The following SAXO1 variants were observed in gnomAD, a reference collection of about 807,000 sequenced individuals.
SAXO1 encodes stabilizer of axonemal microtubules 1.
A neutral mutation model predicts 17.5 loss-of-function variants in SAXO1; 21 were observed. That is an observed-to-expected ratio of 1.20 (90% CI 0.85 to 1.72). SAXO1 has a LOEUF of 1.72. Ranked by LOEUF, SAXO1 falls within the 40% of genes most tolerant of loss-of-function variation. The pLI, the probability that SAXO1 is intolerant of heterozygous loss-of-function variation, is 0.00. For missense variants in SAXO1, 843 were observed against 596.0 expected (o/e 1.41, Z -4.32); for synonymous variants, 274 against 216.5 (o/e 1.27, Z -2.33).
intron 1 of SAXO1, among the ~76,000 whole-genome samples, chr9:19,047,293 G>T (rs1265625938): frequency 6.6e-6 from 1 of 152,196 alleles, no homozygotes; most frequent in Non-Finnish European, 1.5e-5. Context: ...GAACCCAGGA[G>T]GTGGAGGTTG....
chr9:18,986,406 CA>C (rs1447508931), intron 1 of SAXO1, among the ~76,000 whole-genome samples: 1 of 152,072 alleles, frequency 6.6e-6, no homozygotes, highest in Non-Finnish European at 1.5e-5. Flanking sequence ...ACTATTTTAA[CA>C]GGATAACTGT....
At chr9:18,963,864 T>C (rs1374635665) in intron 1 of SAXO1, among the ~76,000 whole-genome samples, 2 of 152,334 alleles carry the variant, frequency 1.3e-5, no homozygotes, top group East Asian at 3.9e-4. Flanking sequence ...ATCCTTGTCT[T>C]GTGCTGGTTT....
chr9:19,020,444 A>AGC (rs1317659000), intron 1 of SAXO1, among the ~76,000 whole-genome samples: 3 of 151,648 alleles, frequency 2.0e-5, no homozygotes, highest in African/African-American at 7.3e-5. Flanking sequence ...CTCCGCCTCC[A>AGC]AGGCTCAAGC....
In SAXO1 at chr9:18,950,743, A is replaced by G. The variant is rs770519044; in HGVS notation, c.218+15T>C. 18 of 1,608,016 alleles carry G rather than the reference A, an allele frequency of 1.1e-5. No individual in the cohort carries two copies. In the South Asian group the frequency reaches 1.4e-4, roughly 13 times the overall value. On this transcript the variant is annotated intron_variant, in intron 2 of 3. Transcript: ENST00000380534. ...GTTGTATGTACCTGCATACATTAAT[A>G]CTGTTTGCCCTCACCTTGATGTAGT...
intron 1 of SAXO1, among the ~76,000 whole-genome samples, chr9:18,971,184 T>C (rs186589039): frequency 6.6e-6 from 1 of 152,298 alleles, no homozygotes; most frequent in Admixed American, 6.5e-5. Context: ...GAGCAAGATG[T>C]GCAGACAGGA....
At chr9:18,962,573 G>C (rs1043122627) in intron 1 of SAXO1, among the ~76,000 whole-genome samples, 1 of 152,176 alleles carries the variant, frequency 6.6e-6, no homozygotes, top group Non-Finnish European at 1.5e-5. Flanking sequence ...CTCCCATTCA[G>C]TAGGTTGCCT....
chr9:18,980,999 G>A (rs886238753), intron 1 of SAXO1, among the ~76,000 whole-genome samples: 8 of 152,038 alleles, frequency 5.3e-5, no homozygotes, highest in African/African-American at 9.7e-5. Flanking sequence ...ATTGACGCAC[G>A]GATTTGTGAA....
At chr9:18,997,501 T>G (rs1157858962) in intron 1 of SAXO1, among the ~76,000 whole-genome samples, 4 of 152,226 alleles carry the variant, frequency 2.6e-5, no homozygotes, top group Non-Finnish European at 5.9e-5. Flanking sequence ...TAACAAGGCC[T>G]ACTGCCTCTC....
chr9:18,938,366 G>T (rs910809239), intron 3 of SAXO1, among the ~76,000 whole-genome samples: 1 of 152,104 alleles, frequency 6.6e-6, no homozygotes, highest in East Asian at 1.9e-4. Flanking sequence ...ATCTGTTTCT[G>T]GGGAGGCCTC....
At chr9:18,950,978 G>C (rs1563938804) in intron 1 of SAXO1, 41 bp from the exon 2 acceptor site, 2 of 1,568,906 alleles carry the variant, frequency 1.3e-6, no homozygotes, top group Non-Finnish European at 1.7e-6. Context: ...CTTCTTGGGA[G>C]AAAAAAACCC....
In SAXO1 at chr9:18,950,773, C is replaced by G; in HGVS notation, c.203G>C (p.Gly68Ala). The G allele has an allele frequency of 6.2e-7, 1 of 1,613,276 alleles. No homozygotes were observed. Among genetic ancestry groups the G allele is most frequent in the Non-Finnish European group, 8.5e-7 (1 of 1,179,442 alleles). ...TTGCCCTCACCTTGATGTAGTCAGGCCTTCCATTGGTATAGGCCCTTTCTG... is the reference window on the plus strand; with the variant it reads ...TTGCCCTCACCTTGATGTAGTCAGGGCTTCCATTGGTATAGGCCCTTTCTG... Reference protein sequence around the residue: ...EYQKGPIPMEGLTTSRRDFGP... With the variant: ...EYQKGPIPMEALTTSRRDFGP... Residue 68 changes from glycine to alanine, a missense_variant, in exon 2 of 4, where the codon GGC becomes GCC. Physicochemically the swap from Gly to Ala is moderately conservative, Grantham distance 60. Transcript: ENST00000380534.
Position 19,012,401 on chromosome 9 carries a change from T to G in SAXO1, c.38+20470A>C, listed in dbSNP as rs113763932. Among the ~76,000 whole-genome samples, 12 of 152,382 alleles carry G rather than the reference T, an allele frequency of 7.9e-5. 1 individual carries two copies. The highest frequency in any genetic ancestry group is 2.9e-4 in the African/African-American group (12 of 41,598). On this transcript the variant is annotated intron_variant, in intron 1 of 3. Coordinates refer to ENST00000380534, the MANE Select transcript of SAXO1 (RefSeq NM_153707.4). ...TCCCCAAATCCTTAGGTCTGAATTATTAAAATAATCTGTAATAGACAACTG... is the reference window on the plus strand; with the variant it reads ...TCCCCAAATCCTTAGGTCTGAATTAGTAAAATAATCTGTAATAGACAACTG...
At chr9:18,986,770 G>T (rs1040563868) in intron 1 of SAXO1, among the ~76,000 whole-genome samples, 1 of 152,234 alleles carries the variant, frequency 6.6e-6, no homozygotes, top group African/African-American at 2.4e-5. Flanking sequence ...CTGCACAAGA[G>T]TGACACATCT....
chr9:18,986,349 A>G (rs1418985081), intron 1 of SAXO1, among the ~76,000 whole-genome samples: 1 of 152,240 alleles, frequency 6.6e-6, no homozygotes, highest in Non-Finnish European at 1.5e-5. Flanking sequence ...CCCTTAGAAT[A>G]TTCCATTGAG....
chr9:19,001,658 T>A (rs1417607455), intron 1 of SAXO1, among the ~76,000 whole-genome samples: 2 of 110,436 alleles, frequency 1.8e-5, no homozygotes, highest in African/African-American at 2.9e-5. Flanking sequence ...AGAGCAAGAC[T>A]CCGTCAAAAA....
At chr9:19,047,294 G>A (rs1037712034) in intron 1 of SAXO1, among the ~76,000 whole-genome samples, 1 of 152,180 alleles carries the variant, frequency 6.6e-6, no homozygotes, top group Non-Finnish European at 1.5e-5. Context: ...AACCCAGGAG[G>A]TGGAGGTTGC....
At chr9:18,946,276 C>T (rs1277865808) in intron 2 of SAXO1, among the ~76,000 whole-genome samples, 2 of 83,236 alleles carry the variant, frequency 2.4e-5, no homozygotes, top group African/African-American at 1.2e-4. Flanking sequence ...AACTTCATCT[C>T]ACCAAAAAAA....
intron 1 of SAXO1, among the ~76,000 whole-genome samples, chr9:19,001,238 G>C (rs1398047687): frequency 6.6e-6 from 1 of 152,150 alleles, no homozygotes; most frequent in Non-Finnish European, 1.5e-5. Context: ...ACAACAAACT[G>C]TCTCTCAGAC....
In SAXO1 at chr9:19,019,119, GA is replaced by G. The variant is rs558142499; in HGVS notation, c.38+13751del. ...AGTGAAACTCCATCTCAAAAAAAAAGAAAAAAAAAAGAACCCTCTTAATTTT... is the reference window on the plus strand; with the variant it reads ...AGTGAAACTCCATCTCAAAAAAAAAGAAAAAAAAAGAACCCTCTTAATTTT... On this transcript the variant is annotated intron_variant, in intron 1 of 3. Transcript: ENST00000380534. Among the ~76,000 whole-genome samples the G allele has an allele frequency of 2.0e-3, 299 of 145,910 alleles. 1 individual carries two copies. The highest frequency in any genetic ancestry group is 7.0e-3 in the African/African-American group (279 of 39,774).
Sources: gnomAD v4.1 joint callset for allele counts (sites outside exome capture counted in the v4.1 genomes callset) on GRCh38, gnomAD v4.1.1 for gene constraint, MANE v1.5 for transcripts, NCBI Gene and HGNC (gene_info 2026-07-23, HGNC 2026-07-21) for gene names.